The following ADAMTSL1 variants were observed in gnomAD, a reference collection of about 807,000 sequenced individuals.
ADAMTSL1 encodes the protein ADAMTS like 1.
A neutral mutation model predicts 201.8 loss-of-function variants in ADAMTSL1; 126 were observed. The observed-to-expected ratio is 0.62, with a 90% CI of 0.54 to 0.72. The LOEUF (loss-of-function observed/expected upper bound fraction) is 0.72. Ranked by LOEUF, ADAMTSL1 falls within the 30% of genes least tolerant of loss-of-function variation. The pLI, the probability that ADAMTSL1 is intolerant of heterozygous loss-of-function variation, is 0.00. For synonymous variants in ADAMTSL1, 1,121 were observed against 903.4 expected (o/e 1.24, Z -4.32); for missense variants, 2,679 against 2,277.8 (o/e 1.18, Z -3.59).
chr9:18,619,847 C>T (rs544888519), intron 4 of ADAMTSL1, among the ~76,000 whole-genome samples: 8 of 152,072 alleles, frequency 5.3e-5, no homozygotes, highest in African/African-American at 1.9e-4. Flanking sequence ...CCAATGCCTG[C>T]GCTGTCCTTC....
intron 2 of ADAMTSL1, among the ~76,000 whole-genome samples, chr9:18,260,213 GC>G (rs1367255731): frequency 6.6e-6 from 1 of 152,154 alleles, no homozygotes; most frequent in Non-Finnish European, 1.5e-5. Context: ...GCCAATTAAA[GC>G]CCCCTGCTGA....
At chr9:18,257,160 A>G (rs929481275) in intron 2 of ADAMTSL1, among the ~76,000 whole-genome samples, 1 of 152,248 alleles carries the variant, frequency 6.6e-6, no homozygotes. Flanking sequence ...GATGTCAGGT[A>G]TGGTGATCAT....
chr9:18,313,456 A>C (rs1276914384), intron 2 of ADAMTSL1, among the ~76,000 whole-genome samples: 1 of 152,184 alleles, frequency 6.6e-6, no homozygotes, highest in African/African-American at 2.4e-5. Flanking sequence ...CATTAGAATC[A>C]TAGAGAGTTT....
intron 1 of ADAMTSL1, among the ~76,000 whole-genome samples, chr9:17,924,810 C>A (rs1485807979): frequency 1.3e-5 from 1 of 77,018 alleles, no homozygotes; most frequent in Admixed American, 1.7e-4. Context: ...ACTTCATGTC[C>A]AAAACACCAA....
chr9:17,914,830 G>A (rs1826030176), intron 1 of ADAMTSL1, among the ~76,000 whole-genome samples: 1 of 151,962 alleles, frequency 6.6e-6, no homozygotes, highest in African/African-American at 2.4e-5. Context: ...AAAGTCTCAG[G>A]ATACAAAATC....
rs115368905 is a variant in ADAMTSL1, at chr9:18,438,763, C to G, written c.208-66066C>G. Among the ~76,000 whole-genome samples the G allele has an allele frequency of 9.9e-3, 1,505 of 152,240 alleles. 27 individuals are homozygous for G. Among genetic ancestry groups the G allele is most frequent in the African/African-American group, 0.034 (1,424 of 41,524 alleles). ...CCTGCACTCAGCTTACCCAAACAGACGAGCCGGCGCAGAGTCTGCACACGC... is the reference window on the plus strand; with the variant it reads ...CCTGCACTCAGCTTACCCAAACAGAGGAGCCGGCGCAGAGTCTGCACACGC... On this transcript the variant is annotated intron_variant, in intron 2 of 29. Coordinates refer to the ADAMTSL1 transcript ENST00000680146.
At chr9:18,695,557 A>G (rs1451429329) in intron 13 of ADAMTSL1, among the ~76,000 whole-genome samples, 1 of 152,096 alleles carries the variant, frequency 6.6e-6, no homozygotes, top group Non-Finnish European at 1.5e-5. Context: ...TCCACCAGTT[A>G]CCCTAAATTA....
chr9:17,953,869 C>A (rs1416970627), intron 1 of ADAMTSL1, among the ~76,000 whole-genome samples: 2 of 152,110 alleles, frequency 1.3e-5, no homozygotes, highest in Non-Finnish European at 2.9e-5. Context: ...AGGAGGTTTT[C>A]TCTGCACCAT....
At chr9:18,040,870 C>T (rs1821399050) in intron 1 of ADAMTSL1, among the ~76,000 whole-genome samples, 1 of 152,056 alleles carries the variant, frequency 6.6e-6, no homozygotes, top group Non-Finnish European at 1.5e-5. Context: ...ATCTGAGGAT[C>T]AGTTTGTCAT....
At chr9:18,257,081 G>T (rs1476310858) in intron 2 of ADAMTSL1, among the ~76,000 whole-genome samples, 1 of 152,058 alleles carries the variant, frequency 6.6e-6, no homozygotes, top group Admixed American at 6.6e-5. Context: ...TTGATGTACA[G>T]GTAGAATGTT....
chr9:18,259,733 C>T (rs1831842805), intron 2 of ADAMTSL1, among the ~76,000 whole-genome samples: 3 of 152,062 alleles, frequency 2.0e-5, no homozygotes, highest in South Asian at 2.1e-4. Flanking sequence ...GGTCTAATAA[C>T]GCCTAATGCG....
At chr9:18,839,205 C>G (rs1321924046) in intron 23 of ADAMTSL1, among the ~76,000 whole-genome samples, 1 of 132,272 alleles carries the variant, frequency 7.6e-6, no homozygotes, top group Non-Finnish European at 1.6e-5. Context: ...CACAACAGTC[C>G]CCAGAGTGTA....
chr9:18,200,831 G>C (rs1829413386), intron 2 of ADAMTSL1, among the ~76,000 whole-genome samples: 1 of 151,716 alleles, frequency 6.6e-6, no homozygotes, highest in Admixed American at 6.6e-5. Flanking sequence ...CAGAATACAA[G>C]GATAAACAAA....
At chr9:17,994,685 G>T (rs565874118) in intron 1 of ADAMTSL1, among the ~76,000 whole-genome samples, 2 of 152,138 alleles carry the variant, frequency 1.3e-5, no homozygotes, top group Non-Finnish European at 2.9e-5. Flanking sequence ...ATGCTGTCAG[G>T]TCAGTGGTAA....
At chr9:18,416,860 G>A (rs1184107406) in intron 2 of ADAMTSL1, among the ~76,000 whole-genome samples, 3 of 151,998 alleles carry the variant, frequency 2.0e-5, no homozygotes, top group African/African-American at 4.8e-5. Context: ...ATAATTGAGA[G>A]AACAAATAGA....
At chr9:18,281,371 C>T (rs1014904143) in intron 2 of ADAMTSL1, among the ~76,000 whole-genome samples, 5 of 152,082 alleles carry the variant, frequency 3.3e-5, no homozygotes, top group African/African-American at 1.2e-4. Context: ...ACCGCACTCA[C>T]CAGACTATGG....
chr9:18,000,458 G>T (rs1440212620), intron 1 of ADAMTSL1, among the ~76,000 whole-genome samples: 1 of 151,842 alleles, frequency 6.6e-6, no homozygotes, highest in Non-Finnish European at 1.5e-5. Flanking sequence ...TGGACCCACA[G>T]TCAGAGGAAG....
At chr9:17,958,544 C>T (rs1828016149) in intron 1 of ADAMTSL1, among the ~76,000 whole-genome samples, 1 of 152,146 alleles carries the variant, frequency 6.6e-6, no homozygotes, top group Non-Finnish European at 1.5e-5. Context: ...AGGAACAGCT[C>T]ATTAATTGGG....
intron 2 of ADAMTSL1, among the ~76,000 whole-genome samples, chr9:18,351,947 C>G (rs536414597): frequency 6.6e-6 from 1 of 152,190 alleles, no homozygotes; most frequent in Admixed American, 6.5e-5. Flanking sequence ...CAGTGATGAC[C>G]TAGTTGTTTA....
Sources: allele counts gnomAD v4.1 joint callset (sites outside exome capture counted in the v4.1 genomes callset), GRCh38; gene constraint gnomAD v4.1.1; transcripts MANE v1.5; gene names NCBI Gene and HGNC (gene_info 2026-07-23, HGNC 2026-07-21).